The following TTC39C variants were observed in gnomAD, a reference collection of about 807,000 sequenced individuals.
TTC39C encodes tetratricopeptide repeat protein 39C.
Under a neutral mutation model 76.3 loss-of-function variants are expected in TTC39C, and 33 were observed. The ratio of observed to expected loss-of-function variants is 0.43; its 90% CI spans 0.33 to 0.58. The LOEUF (loss-of-function observed/expected upper bound fraction) is 0.58. TTC39C is among the 20% of genes least tolerant of loss of function. TTC39C has a pLI of 0.04. For missense variants in TTC39C, 595 were observed against 701.4 expected (o/e 0.85, Z 1.71); for synonymous variants, 254 against 260.6 (o/e 0.97, Z 0.24).
upstream of TTC39C, chr18:24,012,817 C>T (rs1165632185): frequency 6.6e-6 from 1 of 152,000 alleles, no homozygotes; most frequent in Non-Finnish European, 1.5e-5. Flanking sequence ...AGTACAGTCC[C>T]TAAGACCTGC....
intron 8 of TTC39C, among the ~76,000 whole-genome samples, chr18:24,121,210 G>C (rs965933265): frequency 6.6e-6 from 1 of 152,136 alleles, no homozygotes; most frequent in East Asian, 1.9e-4. Context: ...GTCATCCTAA[G>C]CTCTGTTTAG....
At chr18:24,031,238 G>T (rs374750593) in intron 1 of TTC39C, among the ~76,000 whole-genome samples, 1 of 149,626 alleles carries the variant, frequency 6.7e-6, no homozygotes, top group Non-Finnish European at 1.5e-5. Flanking sequence ...GATTACAGGC[G>T]TGAGCCACTG....
intron 4 of TTC39C, chr18:24,077,342 G>A (rs1248103927): frequency 2.0e-5 from 3 of 152,128 alleles, no homozygotes; most frequent in Non-Finnish European, 4.4e-5. Flanking sequence ...GTGTTCTTCC[G>A]AAATCCTGCA....
In TTC39C at chr18:24,018,405, T is replaced by G. The variant is rs118069713; in HGVS notation, c.167+3367T>G. ...CCTCCACACACACACACTCATTCCC[T>G]TCCTCACTCACTGTTTGCATATGTG... On this transcript the variant is annotated intron_variant, in intron 1 of 13. Transcript: ENST00000317571. Among the ~76,000 whole-genome samples the G allele has an allele frequency of 2.4e-3, 367 of 152,172 alleles. 14 individuals are homozygous for G. In the East Asian group the frequency reaches 0.061, roughly 25 times the overall value.
intron 1 of TTC39C, among the ~76,000 whole-genome samples, chr18:24,060,081 T>G (rs919063510): frequency 3.9e-5 from 6 of 152,170 alleles, no homozygotes; most frequent in African/African-American, 1.4e-4. Flanking sequence ...AGGTGAGATT[T>G]GGGTGGGGAC....
At chr18:24,079,249 A>G (rs2084345985) in intron 4 of TTC39C, among the ~76,000 whole-genome samples, 1 of 152,202 alleles carries the variant, frequency 6.6e-6, no homozygotes, top group South Asian at 2.1e-4. Context: ...CAAAAATGAG[A>G]TGATGATGCA....
At chr18:24,050,715 TAC>T (rs1207193986) in intron 1 of TTC39C, among the ~76,000 whole-genome samples, 2 of 151,788 alleles carry the variant, frequency 1.3e-5, no homozygotes, top group South Asian at 2.1e-4. Context: ...CTACTGAAAA[TAC>T]ACAGTTAGCT....
At chr18:24,063,357 C>T (rs2084122404) in intron 1 of TTC39C, among the ~76,000 whole-genome samples, 1 of 152,106 alleles carries the variant, frequency 6.6e-6, no homozygotes, top group Non-Finnish European at 1.5e-5. Flanking sequence ...ACCCTTTGAT[C>T]TACTCTAGAA....
chr18:24,024,006 A>ATTTT lies in TTC39C; in HGVS notation c.167+8969_167+8970insTTTT, dbSNP rs1568409124. ...CATATATATATATATATATATATATATATATATATATTTTTTTTTTTTTTT... is the reference window on the plus strand; with the variant it reads ...CATATATATATATATATATATATATATTTTTATATATATATTTTTTTTTTTTTTT... On this transcript the variant is annotated intron_variant, in intron 1 of 13. Coordinates refer to ENST00000317571, the MANE Select transcript of TTC39C (RefSeq NM_001135993.2). Among the ~76,000 whole-genome samples the ATTTT allele has an allele frequency of 4.0e-3, 23 of 5,768 alleles. 1 individual carries two copies. Among genetic ancestry groups the ATTTT allele is most frequent in the Non-Finnish European group, 6.3e-3 (20 of 3,166 alleles). 3.8% of individuals were successfully genotyped at this position (5,768 alleles called of 152,430 possible).
chr18:24,092,577 C>CTA (rs2084537333), intron 6 of TTC39C, among the ~76,000 whole-genome samples: 1 of 152,174 alleles, frequency 6.6e-6, no homozygotes, highest in African/African-American at 2.4e-5. Flanking sequence ...CAGATACATA[C>CTA]TATAGCATGG....
intron 1 of TTC39C, among the ~76,000 whole-genome samples, chr18:24,023,943 TATG>T (rs1568408632): frequency 0.057 from 1,061 of 18,778 alleles, 21 homozygotes; most frequent in Non-Finnish European, 0.14. Context: ...CATATATATA[TATG>T]CATGTATATA....
chr18:24,024,246 A>C (rs9960044), intron 1 of TTC39C, among the ~76,000 whole-genome samples: 150,256 of 150,364 alleles, frequency 1, 75,074 homozygotes, highest in Middle Eastern at 1. Flanking sequence ...CGTCTGACCT[A>C]ATGATCTGCC....
Position 24,132,580 on chromosome 18 carries a change from C to G in TTC39C, c.*6C>G, listed in dbSNP as rs756180429. The G allele has an allele frequency of 2.3e-5, 37 of 1,610,658 alleles. No homozygotes were observed. Among genetic ancestry groups the G allele is most frequent in the Admixed American group, 3.4e-5 (2 of 59,648 alleles). ...GGGAATTGGTTCCTCAGTGACAGAC[C>G]CGGAACACCCGCTCCGTCCCTCCCC... is the stretch of plus-strand genomic sequence containing the variant. On this transcript the variant is annotated 3_prime_UTR_variant, in exon 14 of 14. Coordinates refer to ENST00000317571, the MANE Select transcript of TTC39C (RefSeq NM_001135993.2).
chr18:24,109,614 G>A (rs188124053), intron 6 of TTC39C, among the ~76,000 whole-genome samples: 3 of 152,182 alleles, frequency 2.0e-5, no homozygotes, highest in Non-Finnish European at 4.4e-5. Flanking sequence ...CAGGAAATAT[G>A]AAAATATTTG....
intron 6 of TTC39C, among the ~76,000 whole-genome samples, chr18:24,102,011 G>A (rs1004024571): frequency 6.6e-6 from 1 of 152,182 alleles, no homozygotes; most frequent in Non-Finnish European, 1.5e-5. Context: ...GCCCAGCCCA[G>A]CTTTCTGAGC....
At chr18:24,039,699 T>G (rs548344129) in intron 1 of TTC39C, among the ~76,000 whole-genome samples, 12 of 152,306 alleles carry the variant, frequency 7.9e-5, no homozygotes, top group African/African-American at 2.6e-4. Flanking sequence ...CTGGGGACAC[T>G]GTACACAGTA....
At chr18:24,113,642 CTGTT>C (rs1301512922) in intron 6 of TTC39C, 2 of 702,228 alleles carry the variant, frequency 2.8e-6, no homozygotes, top group African/African-American at 3.5e-5. Flanking sequence ...GGTCGTCTGG[CTGTT>C]TAAGATTTAT....
intron 1 of TTC39C, among the ~76,000 whole-genome samples, chr18:24,060,325 T>G (rs1482115349): frequency 6.9e-6 from 1 of 144,216 alleles, no homozygotes; most frequent in South Asian, 2.3e-4. Flanking sequence ...TTTTTTTTTT[T>G]TTTTTTTTTT....
rs747454193 is a variant in TTC39C, at chr18:24,125,489, G to A, written c.1359G>A (p.Val453=). 4.9e-5 allele frequency: 79 copies of A among 1,614,060 alleles called. No homozygotes were observed. Among genetic ancestry groups the A allele is most frequent in the Non-Finnish European group, 6.7e-5 (79 of 1,180,044 alleles). The change falls in exon 10 of 14, where the codon GTG becomes GTA. Residue 453 remains valine (V), a synonymous_variant. Transcript: ENST00000317571. ...TCTGTGTGTTGGCGTCTATTGAAGT[G>A]TTGTACTTGTGGAAAGCTCTTCCAA... The part of the protein sequence containing the change: ...KALCVLASIE[V]LYLWKALPNC...
Sources: gnomAD v4.1 joint callset for allele counts (sites outside exome capture counted in the v4.1 genomes callset) on GRCh38, gnomAD v4.1.1 for gene constraint, MANE v1.5 for transcripts, NCBI Gene and HGNC (gene_info 2026-07-23, HGNC 2026-07-21) for gene names.